The following CNTNAP2 variants were observed in gnomAD, a reference collection of about 807,000 sequenced individuals.
The protein encoded by CNTNAP2 is contactin associated protein 2, also known as contactin-associated protein-like 2.
In CNTNAP2, 98 loss-of-function variants were observed where a neutral mutation model predicts 155.2. The observed-to-expected ratio is 0.63, with a 90% CI of 0.54 to 0.75. CNTNAP2 has a LOEUF of 0.75. Among genes scored for constraint, CNTNAP2 ranks in the 30% least tolerant of loss-of-function variants. The pLI is 0.00. For missense variants in CNTNAP2, 1,727 were observed against 1,688.1 expected, an observed-to-expected ratio of 1.02 and a Z score of -0.40; for synonymous variants, 651 against 631.2, an observed-to-expected ratio of 1.03 and a Z score of -0.47.
At chr7:147,604,549 C>T (rs577816515) in intron 12 of CNTNAP2, among the ~76,000 whole-genome samples, 1 of 152,298 alleles carries the variant, frequency 6.6e-6, no homozygotes, top group South Asian at 2.1e-4. Flanking sequence ...TCTTGCCCCA[C>T]ATCTGGAGCC....
At chr7:147,263,917 G>T (rs928384313) in intron 8 of CNTNAP2, among the ~76,000 whole-genome samples, 3 of 152,174 alleles carry the variant, frequency 2.0e-5, no homozygotes, top group African/African-American at 4.8e-5. Flanking sequence ...GAAAGAGCAT[G>T]CATGTGTGTT....
At chr7:147,801,780 C>A (rs541903853) in intron 13 of CNTNAP2, among the ~76,000 whole-genome samples, 3 of 152,358 alleles carry the variant, frequency 2.0e-5, no homozygotes, top group Admixed American at 6.5e-5. Context: ...ACCCTTCCCC[C>A]CTTTCCATTC....
chr7:146,596,694 T>C (rs1798867754), intron 1 of CNTNAP2, among the ~76,000 whole-genome samples: 1 of 150,676 alleles, frequency 6.6e-6, no homozygotes, highest in African/African-American at 2.4e-5. Context: ...ACTATAACAG[T>C]AGTTTAGAGA....
intron 3 of CNTNAP2, among the ~76,000 whole-genome samples, chr7:147,009,076 T>A (rs911516633): frequency 6.6e-6 from 1 of 151,976 alleles, no homozygotes; most frequent in Non-Finnish European, 1.5e-5. Context: ...ATTATACAAA[T>A]GCCTTCCAAA....
chr7:147,279,077 A>T (rs1190249074), intron 8 of CNTNAP2, among the ~76,000 whole-genome samples: 1 of 151,582 alleles, frequency 6.6e-6, no homozygotes. Flanking sequence ...CCCTATCTTT[A>T]TGATATTATG....
intron 1 of CNTNAP2, among the ~76,000 whole-genome samples, chr7:146,655,936 G>GA (rs938472422): frequency 1.4e-3 from 206 of 150,274 alleles, no homozygotes; most frequent in Middle Eastern, 3.4e-3. Context: ...CTAGAAATAG[G>GA]AAAAAAAAAT....
At chr7:147,257,273 A>G (rs1312704610) in intron 8 of CNTNAP2, among the ~76,000 whole-genome samples, 1 of 152,214 alleles carries the variant, frequency 6.6e-6, no homozygotes, top group Non-Finnish European at 1.5e-5. Context: ...GCAATTATTG[A>G]TCACATTCAG....
chr7:146,140,761 A>G (rs1303926937), intron 1 of CNTNAP2, among the ~76,000 whole-genome samples: 1 of 152,116 alleles, frequency 6.6e-6, no homozygotes, highest in Non-Finnish European at 1.5e-5. Context: ...AAAAAGAATC[A>G]GTGATTTTTC....
At chr7:146,622,223 G>GTA (rs765205021) in intron 1 of CNTNAP2, among the ~76,000 whole-genome samples, 160 of 147,098 alleles carry the variant, frequency 1.1e-3, no homozygotes, top group Admixed American at 1.9e-3. Context: ...ACGTGTGTGT[G>GTA]TATATATATA....
chr7:146,372,093 A>G (rs905030852), intron 1 of CNTNAP2, among the ~76,000 whole-genome samples: 3 of 152,196 alleles, frequency 2.0e-5, no homozygotes, highest in African/African-American at 4.8e-5. Flanking sequence ...TGAAGAGGAT[A>G]TTAGTTGGGG....
intron 13 of CNTNAP2, among the ~76,000 whole-genome samples, chr7:147,796,629 G>A (rs1797899925): frequency 2.0e-5 from 3 of 151,552 alleles, no homozygotes; most frequent in Admixed American, 6.6e-5. Context: ...CCATAACAAG[G>A]AATACCCTCA....
intron 1 of CNTNAP2, among the ~76,000 whole-genome samples, chr7:146,463,814 T>TA (rs1236284332): frequency 6.6e-6 from 1 of 152,058 alleles, no homozygotes; most frequent in African/African-American, 2.4e-5. Context: ...TGCTAAAATT[T>TA]AAAAAAATGA....
chr7:146,412,554 T>TCTACTCA (rs945810622), intron 1 of CNTNAP2, among the ~76,000 whole-genome samples: 2 of 152,194 alleles, frequency 1.3e-5, no homozygotes, highest in African/African-American at 4.8e-5. Context: ...GGCCATGTAT[T>TCTACTCA]CATTCTACCA....
intron 12 of CNTNAP2, among the ~76,000 whole-genome samples, chr7:147,623,061 C>G (rs1029628571): frequency 4.0e-5 from 6 of 151,894 alleles, no homozygotes; most frequent in Non-Finnish European, 8.8e-5. Context: ...CAAGATTTAA[C>G]CAGGAAGAAA....
At chr7:147,134,822 T>C (rs976410015) in intron 8 of CNTNAP2, among the ~76,000 whole-genome samples, 2 of 152,038 alleles carry the variant, frequency 1.3e-5, no homozygotes, top group African/African-American at 4.8e-5. Flanking sequence ...TCTACTCTTA[T>C]CAGCATGAGC....
chr7:147,287,368 G>C (rs1584847335), intron 8 of CNTNAP2, among the ~76,000 whole-genome samples: 1 of 151,990 alleles, frequency 6.6e-6, no homozygotes, highest in African/African-American at 2.4e-5. Context: ...AGGAATGGGG[G>C]TGTGTCTTGC....
At chr7:146,865,788 ATCT>A (rs1378824484) in intron 3 of CNTNAP2, among the ~76,000 whole-genome samples, 1 of 152,168 alleles carries the variant, frequency 6.6e-6, no homozygotes, top group Non-Finnish European at 1.5e-5. Context: ...AGAAATCAAA[ATCT>A]TCTATTCTTC....
rs529831243 is a variant in CNTNAP2, at chr7:147,770,274, G to T, written c.2098+130968G>T. 9.2e-5 allele frequency among the ~76,000 whole-genome samples: 14 copies of T among 152,128 alleles called. 1 individual carries two copies. In the East Asian group the frequency reaches 2.7e-3, roughly 29 times the overall value. On this transcript the variant is annotated intron_variant, in intron 13 of 23. Coordinates refer to ENST00000361727, the MANE Select transcript of CNTNAP2 (RefSeq NM_014141.6). ...TAGTCTACACTACTATAGTGTTGTTGTTTTTTTAAAATTATTTCCTTGCCT... is the reference window on the plus strand; with the variant it reads ...TAGTCTACACTACTATAGTGTTGTTTTTTTTTTAAAATTATTTCCTTGCCT...
chr7:147,363,965 G>A (rs1296018144), intron 9 of CNTNAP2, among the ~76,000 whole-genome samples: 1 of 152,152 alleles, frequency 6.6e-6, no homozygotes, highest in African/African-American at 2.4e-5. Context: ...GCGTATGCTA[G>A]TTTGACCCCT....
Sources: gnomAD v4.1 joint callset for allele counts (sites outside exome capture counted in the v4.1 genomes callset) on GRCh38, gnomAD v4.1.1 for gene constraint, MANE v1.5 for transcripts, NCBI Gene and HGNC (gene_info 2026-07-23, HGNC 2026-07-21) for gene names.